Variants in CACNA1G observed in about 807,000 individuals in gnomAD.
CACNA1G encodes the protein voltage-dependent T-type calcium channel subunit alpha-1G.
CACNA1G carries 67 observed loss-of-function variants against 219.4 expected under a neutral mutation model. That is an observed-to-expected ratio of 0.31 (90% confidence interval 0.25 to 0.37). The LOEUF (loss-of-function observed/expected upper bound fraction) is 0.37. Among genes scored for constraint, CACNA1G ranks in the 10% least tolerant of loss-of-function variants. The probability of loss-of-function intolerance (pLI) is 1.00; values close to 1 mark genes in which losing one functional copy is unlikely to be tolerated. For missense variants in CACNA1G, 2,380 were observed against 3,231.4 expected (o/e 0.74, Z 6.39); for synonymous variants, 1,296 against 1,345.3 (o/e 0.96, Z 0.80).
intron 19 of CACNA1G, among the ~76,000 whole-genome samples, chr17:50,602,578 G>T (rs571470785): frequency 6.6e-6 from 1 of 152,332 alleles, no homozygotes; most frequent in South Asian, 2.1e-4. Flanking sequence ...AAGTGGCTGT[G>T]GGGGCGGGGA....
At position 50,627,431 on chromosome 17, in the gene CACNA1G, CTATCTATA is replaced by C. The variant is rs1044909521; in HGVS notation, c.*684_*691del. ...TATACATACATACATATCTATCTAT[CTATCTATA>C]TATATATAAAATAAAGTAATTTTCC... is the stretch of plus-strand genomic sequence containing the variant. On this transcript the variant is annotated 3_prime_UTR_variant, in exon 38 of 38. Transcript: ENST00000359106. The C allele has an allele frequency of 9.1e-6, 3 of 327,924 alleles. No homozygotes were observed. Among genetic ancestry groups the C allele is most frequent in the Non-Finnish European group, 1.8e-5 (3 of 169,726 alleles). 20.3% of individuals were successfully genotyped at this position (327,924 alleles called of 1,614,324 possible). A position where few individuals can be genotyped will look rare whatever the true frequency, so the allele number is the denominator to read the frequency against.
rs58484176 is a variant in CACNA1G at position 50,589,912 on chromosome 17, C to CTGTG, written c.2302-525_2302-522dup. ...TGCATTTTTCTCTCTCTCTCTCTCT[C>CTGTG]TGTGTGTGTGTGTGTGTGTGTGTGT... On this transcript the variant is annotated intron_variant, in intron 9 of 37. Coordinates refer to ENST00000359106, the MANE Select transcript of CACNA1G (RefSeq NM_018896.5). Among the ~76,000 whole-genome samples, 729 of 141,888 alleles carry CTGTG rather than the reference C, an allele frequency of 5.1e-3. 5 individuals carry two copies. The highest frequency in any genetic ancestry group is 0.021 in the Middle Eastern group (6 of 282). The allele number at this position is 141,888 out of a possible 152,430, so 93.1% of individuals were successfully genotyped here. A position where few individuals can be genotyped will look rare whatever the true frequency, so the allele number is the denominator to read the frequency against.
At chr17:50,608,805 C>T (rs1429314925) in intron 25 of CACNA1G, among the ~76,000 whole-genome samples, 4 of 152,128 alleles carry the variant, frequency 2.6e-5, no homozygotes, top group Non-Finnish European at 5.9e-5. Context: ...GGCGCCCAGG[C>T]CCCTTTGTTT....
intron 1 of CACNA1G, 73 bp from the exon 2 acceptor site, chr17:50,568,797 G>A: frequency 8.9e-7 from 1 of 1,127,322 alleles, no homozygotes; most frequent in Non-Finnish European, 1.3e-6. Context: ...AAACGAGGAG[G>A]AGGTGTTAGG....
rs58450142 is a variant in CACNA1G at position 50,569,015 on chromosome 17, T to TGTG, written c.354+34_354+35insGTG. On this transcript the variant is annotated intron_variant, in intron 2 of 37. Coordinates refer to ENST00000359106, the MANE Select transcript of CACNA1G (RefSeq NM_018896.5). ...GTGTGTGTGTGTGTGTGTGTGTGTG[T>TGTG]TGTGTGTGTTGGGGGTTGGCCCCTC... The TGTG allele has an allele frequency of 4.2e-4, 510 of 1,226,524 alleles. 4 individuals carry two copies. Among genetic ancestry groups the TGTG allele is most frequent in the Non-Finnish European group, 4.9e-4 (423 of 869,280 alleles). 76.0% of individuals were successfully genotyped at this position (1,226,524 alleles called of 1,614,324 possible). A position where few individuals can be genotyped will look rare whatever the true frequency, so the allele number is the denominator to read the frequency against.
intron 1 of CACNA1G, among the ~76,000 whole-genome samples, chr17:50,568,276 C>T (rs1035640707): frequency 1.3e-5 from 2 of 152,170 alleles, no homozygotes; most frequent in Non-Finnish European, 2.9e-5. Flanking sequence ...ACCACCGTCT[C>T]ATCCTGCCTT....
At chr17:50,584,042 C>T (rs371260085) in intron 9 of CACNA1G, among the ~76,000 whole-genome samples, 17 of 152,228 alleles carry the variant, frequency 1.1e-4, no homozygotes, top group African/African-American at 4.1e-4. Flanking sequence ...CTAGATAACC[C>T]GAAGTTTCTA....
At chr17:50,609,729 C>T (rs924589224) in intron 25 of CACNA1G, among the ~76,000 whole-genome samples, 153 bp from the exon 26 acceptor site, 2 of 152,224 alleles carry the variant, frequency 1.3e-5, no homozygotes, top group African/African-American at 4.8e-5. Context: ...CCCCCAGCTT[C>T]GGGCTGGACA....
chr17:50,583,525 A>G (rs2042377111), intron 9 of CACNA1G, among the ~76,000 whole-genome samples: 1 of 152,174 alleles, frequency 6.6e-6, no homozygotes. Flanking sequence ...GATTATGCCA[A>G]ATGCCGCAAG....
intron 36 of CACNA1G, 36 bp from the exon 37 acceptor site, chr17:50,624,324 T>TCCCCCCCCCCCCCCCCCCCCTGCCC: frequency 2.5e-6 from 3 of 1,177,662 alleles, no homozygotes; most frequent in Non-Finnish European, 3.7e-6. Context: ...CTCCATTCTC[T>TCCCCCCCCCCCCCCCCCCCCTGCCC]CCCCCCACCC....
At chr17:50,610,081 C>T in intron 26 of CACNA1G, 146 bp downstream of exon 26, 1 of 743,098 alleles carries the variant, frequency 1.3e-6, no homozygotes, top group South Asian at 1.6e-5. Flanking sequence ...CTGGGCTCTG[C>T]AGCATCCCGC....
intron 19 of CACNA1G, among the ~76,000 whole-genome samples, chr17:50,602,199 C>T (rs2046835044): frequency 6.6e-6 from 1 of 152,238 alleles, no homozygotes; most frequent in Admixed American, 6.5e-5. Flanking sequence ...TGTCACTGTA[C>T]CTGCTCCTCT....
At chr17:50,570,780 T>C (rs749168483) in intron 4 of CACNA1G, among the ~76,000 whole-genome samples, 1 of 152,106 alleles carries the variant, frequency 6.6e-6, no homozygotes, top group African/African-American at 2.4e-5. Flanking sequence ...CCCTGAGGAA[T>C]TGATCTCAGT....
chr17:50,569,659 C>G lies in CACNA1G; in HGVS notation c.489-47C>G, dbSNP rs933414942. The G allele has an allele frequency of 3.7e-6, 5 of 1,366,198 alleles. No individual in the cohort carries two copies. The African/African-American group carries it at 4.3e-5, about 12-fold the overall frequency. The allele number at this position is 1,366,198 out of a possible 1,614,324, so 84.6% of individuals were successfully genotyped here. Reference sequence around the variant, plus strand: ...TCCTCATTGACCTCTTTTGACCCCACTGTGGCCTCAGACTCAAAGGGCCTC... The same window carrying G: ...TCCTCATTGACCTCTTTTGACCCCAGTGTGGCCTCAGACTCAAAGGGCCTC... On this transcript the variant is annotated intron_variant, in intron 3 of 37. Transcript: ENST00000359106.
chr17:50,626,308 C>T lies in CACNA1G; in HGVS notation c.6691C>T (p.Pro2231Ser), dbSNP rs1366732015. The part of the protein sequence containing the change: ...LSWISGDLLP[P>S]GGQEEPPSPR... Reference sequence around the variant, plus strand: ...CTGGATTTCAGGAGACCTCCTGCCCCCTGGCGGCCAGGAGGAGCCCCCATC... The same window carrying T: ...CTGGATTTCAGGAGACCTCCTGCCCTCTGGCGGCCAGGAGGAGCCCCCATC... The change falls in exon 38 of 38, where the codon CCT (proline) becomes TCT (serine). Residue 2231 changes from proline to serine, a missense_variant. Pro to Ser is a moderately conservative substitution (Grantham distance 74). Transcript: ENST00000359106. The surrounding 1 kb of genome is among the most constrained non-coding windows in gnomAD (Gnocchi z 4.3). The T allele has an allele frequency of 6.2e-7, 1 of 1,613,420 alleles. No homozygotes were observed. The highest frequency in any genetic ancestry group is 8.5e-7 in the Non-Finnish European group (1 of 1,179,822).
Position 50,596,664 on chromosome 17 carries a change from G to C in CACNA1G, c.3064+18G>C, listed in dbSNP as rs1394501602. 1 of 1,613,750 alleles carries C rather than the reference G, an allele frequency of 6.2e-7. No individual in the cohort carries two copies. The highest frequency in any genetic ancestry group is 2.2e-5 in the East Asian group (1 of 44,868). The stretch of plus-strand genomic sequence containing the variant: ...CTTGGCCTGTGAGTACCTATCCTGG[G>C]GTGCGACTTTTGGCCCTGGGCCAGC... On this transcript the variant is annotated intron_variant, in intron 15 of 37. Coordinates refer to ENST00000359106, the MANE Select transcript of CACNA1G (RefSeq NM_018896.5). This position sits in a 1 kb window ranked among gnomAD's most constrained non-coding sequence, Gnocchi z 4.8.
intron 36 of CACNA1G, 31 bp from the exon 37 acceptor site, chr17:50,624,329 C>T (rs2053087500): frequency 1.7e-6 from 2 of 1,180,178 alleles, no homozygotes; most frequent in African/African-American, 1.5e-5. Context: ...TTCTCTCCCC[C>T]CACCCCTCCC....
chr17:50,623,545 A>AGGGCTGGGGGCTGG (rs376793063), intron 35 of CACNA1G, among the ~76,000 whole-genome samples: 1 of 151,984 alleles, frequency 6.6e-6, no homozygotes, highest in African/African-American at 2.4e-5. Context: ...AGCCACCTGC[A>AGGGCTGGGGGCTGG]GGGCTGGGGG....
chr17:50,612,397 G>A lies in CACNA1G; in HGVS notation c.4759+2462G>A, dbSNP rs1461515397. 2.6e-5 allele frequency among the ~76,000 whole-genome samples: 4 copies of A among 152,356 alleles called. No individual in the cohort carries two copies. In the East Asian group the frequency reaches 7.7e-4, roughly 29 times the overall value. ...TCCACCCCGGCTTCCCAGATGGAGG[G>A]AGGGACCGGGGCTGCTGGGTCATCA... On this transcript the variant is annotated intron_variant, in intron 26 of 37. Transcript: ENST00000359106.
Sources: gnomAD v4.1 joint callset for allele counts (sites outside exome capture counted in the v4.1 genomes callset) on GRCh38, gnomAD v4.1.1 for gene constraint, Gnocchi (gnomAD v3.1) non-coding constraint, MANE v1.5 for transcripts, NCBI Gene and HGNC (gene_info 2026-07-23, HGNC 2026-07-21) for gene names.